The following RBFOX1 variants were observed in gnomAD, a reference collection of about 807,000 sequenced individuals.
RBFOX1 encodes RNA binding protein fox-1 homolog 1.
A neutral mutation model predicts 57.7 loss-of-function variants in RBFOX1; 8 were observed. The ratio of observed to expected loss-of-function variants is 0.14; its 90% confidence interval spans 0.08 to 0.25. The LOEUF (loss-of-function observed/expected upper bound fraction) is 0.25, where lower values mean the gene tolerates loss of function less well. Ranked by LOEUF, RBFOX1 falls within the 10% of genes least tolerant of loss-of-function variation. The pLI is 1.00. For synonymous variants in RBFOX1, 326 were observed against 222.4 expected (o/e 1.47, Z -4.15); for missense variants, 611 against 548.5 (o/e 1.11, Z -1.14).
intron 1 of RBFOX1, among the ~76,000 whole-genome samples, chr16:5,308,741 G>C (rs567366867): frequency 1.7e-4 from 20 of 118,522 alleles, no homozygotes; most frequent in African/African-American, 4.7e-4. Context: ...ATTTGCCTTT[G>C]CTATGTGTTA....
chr16:5,494,165 G>A (rs1468756926), intron 2 of RBFOX1, among the ~76,000 whole-genome samples: 1 of 152,204 alleles, frequency 6.6e-6, no homozygotes. Context: ...GAAGGAAACT[G>A]AGTCTGAATT....
At chr16:6,806,965 C>G (rs1267812245) in intron 3 of RBFOX1, among the ~76,000 whole-genome samples, 1 of 150,698 alleles carries the variant, frequency 6.6e-6, no homozygotes, top group Non-Finnish European at 1.5e-5. Context: ...TCCTAAGTAG[C>G]TGAGATTGCA....
intron 4 of RBFOX1, among the ~76,000 whole-genome samples, chr16:7,469,313 C>A (rs192904930): frequency 1.3e-5 from 2 of 151,962 alleles, no homozygotes; most frequent in Non-Finnish European, 2.9e-5. Context: ...CTGCCCGCCT[C>A]GGCCTCCCAA....
At chr16:5,635,228 T>G (rs1260733617) in intron 3 of RBFOX1, among the ~76,000 whole-genome samples, 1 of 152,200 alleles carries the variant, frequency 6.6e-6, no homozygotes, top group East Asian at 1.9e-4. Flanking sequence ...CTGACAAAAG[T>G]CTCAAGCTAC....
intron 4 of RBFOX1, among the ~76,000 whole-genome samples, chr16:7,127,054 T>C (rs182653214): frequency 2.6e-5 from 4 of 151,182 alleles, no homozygotes; most frequent in African/African-American, 9.7e-5. Context: ...AGAGAAAATC[T>C]GGTTGGTCCT....
intron 4 of RBFOX1, among the ~76,000 whole-genome samples, chr16:7,179,539 G>T (rs1315566121): frequency 6.6e-6 from 1 of 152,068 alleles, no homozygotes; most frequent in African/African-American, 2.4e-5. Flanking sequence ...GACCTGTTAG[G>T]TGTTGGCATT....
chr16:7,072,643 A>C (rs1311596665), intron 4 of RBFOX1, among the ~76,000 whole-genome samples: 1 of 152,252 alleles, frequency 6.6e-6, no homozygotes, highest in East Asian at 1.9e-4. Context: ...GAGATTTCAG[A>C]ATATTTCAGA....
At chr16:7,253,320 G>C (rs913877426) in intron 4 of RBFOX1, among the ~76,000 whole-genome samples, 3 of 152,172 alleles carry the variant, frequency 2.0e-5, no homozygotes, top group Non-Finnish European at 4.4e-5. Context: ...TGATGTCAGT[G>C]GCAACAAGGA....
At chr16:7,686,169 C>T (rs1003431998) in intron 14 of RBFOX1, among the ~76,000 whole-genome samples, 2 of 151,318 alleles carry the variant, frequency 1.3e-5, no homozygotes, top group Non-Finnish European at 1.5e-5. Context: ...GTGGGATTAT[C>T]GTGTTCTGTT....
chr16:5,544,574 C>T (rs1007565479), intron 2 of RBFOX1, among the ~76,000 whole-genome samples: 1 of 151,884 alleles, frequency 6.6e-6, no homozygotes, highest in South Asian at 2.1e-4. Context: ...AACAGAAAAA[C>T]AATAGAGAAA....
intron 2 of RBFOX1, among the ~76,000 whole-genome samples, chr16:5,587,114 A>G (rs975672411): frequency 1.3e-5 from 2 of 152,186 alleles, no homozygotes; most frequent in Non-Finnish European, 2.9e-5. Flanking sequence ...TGAAACTGAC[A>G]TGACCAAGAT....
chr16:5,761,664 C>A (rs2053595268), intron 3 of RBFOX1, among the ~76,000 whole-genome samples: 1 of 152,150 alleles, frequency 6.6e-6, no homozygotes. Flanking sequence ...GTTTGAATTA[C>A]CTCTCACCGG....
intron 7 of RBFOX1, among the ~76,000 whole-genome samples, chr16:7,590,273 A>C (rs1057302973): frequency 6.6e-6 from 1 of 151,958 alleles, no homozygotes; most frequent in Non-Finnish European, 1.5e-5. Flanking sequence ...TCTCAGAACA[A>C]GTATCTATAT....
intron 3 of RBFOX1, among the ~76,000 whole-genome samples, chr16:5,809,434 G>GGCTAATAT (rs142586481): frequency 0.56 from 83,860 of 150,930 alleles, 24,067 homozygotes; most frequent in South Asian, 0.66. Flanking sequence ...TCTGACAAAG[G>GGCTAATAT]GCTAATATCC....
chr16:6,223,089 C>T (rs527967113), intron 1 of RBFOX1, among the ~76,000 whole-genome samples: 1 of 148,262 alleles, frequency 6.7e-6, no homozygotes, highest in Non-Finnish European at 1.5e-5. Flanking sequence ...TTTTCTTAAT[C>T]CAGTCTATCA....
Position 7,042,918 on chromosome 16 carries a change from T to G in RBFOX1, c.-15-9139T>G, listed in dbSNP as rs569310855. On this transcript the variant is annotated intron_variant, in intron 3 of 15. Coordinates refer to ENST00000550418, the MANE Select transcript of RBFOX1 (RefSeq NM_018723.4). ...TCCAGCCTGGGTGACAGAGGAAGAC[T>G]TTGTTTCAAAAATAAATAAATAAAT... is the stretch of plus-strand genomic sequence containing the variant. 9.8e-5 allele frequency among the ~76,000 whole-genome samples: 15 copies of G among 152,318 alleles called. No individual in the cohort carries two copies. The East Asian group carries it at 2.9e-3, about 29-fold the overall frequency.
At chr16:6,407,455 T>G (rs1478271008) in intron 2 of RBFOX1, among the ~76,000 whole-genome samples, 1 of 152,034 alleles carries the variant, frequency 6.6e-6, no homozygotes, top group Non-Finnish European at 1.5e-5. Flanking sequence ...TTTATGTATA[T>G]CTATGTCTGT....
chr16:5,591,322 G>C (rs1252411583), intron 2 of RBFOX1, among the ~76,000 whole-genome samples: 2 of 150,080 alleles, frequency 1.3e-5, no homozygotes, highest in Admixed American at 6.7e-5. Flanking sequence ...CATGATTTCA[G>C]CTCACTGCAA....
chr16:7,235,035 T>A (rs2093699594), intron 4 of RBFOX1, among the ~76,000 whole-genome samples: 1 of 152,138 alleles, frequency 6.6e-6, no homozygotes, highest in South Asian at 2.1e-4. Flanking sequence ...CAAGTCGAAG[T>A]GCTATGGTGG....
Sources: allele counts gnomAD v4.1 joint callset (sites outside exome capture counted in the v4.1 genomes callset), GRCh38; gene constraint gnomAD v4.1.1; transcripts MANE v1.5; gene names NCBI Gene and HGNC (gene_info 2026-07-23, HGNC 2026-07-21).